ZKSCAN1: variants seen among roughly 807,000 people sequenced by gnomAD.
ZKSCAN1 encodes zinc finger protein with KRAB and SCAN domains 1.
ZKSCAN1 carries 14 observed loss-of-function variants against 51.6 expected under a neutral mutation model. The observed-to-expected ratio is 0.27, with a 90% CI of 0.18 to 0.42. The LOEUF (loss-of-function observed/expected upper bound fraction) is 0.42, where lower values mean the gene tolerates loss of function less well. ZKSCAN1 is among the 10% of genes least tolerant of loss of function. The probability of loss-of-function intolerance (pLI) is 1.00; values close to 1 mark genes in which losing one functional copy is unlikely to be tolerated. For missense variants in ZKSCAN1, 531 were observed against 710.0 expected, an observed-to-expected ratio of 0.75 and a Z score of 2.86; for synonymous variants, 263 against 261.5, an observed-to-expected ratio of 1.01 and a Z score of -0.06.
chr7:100,034,390 CCCCTGCAG>C lies in ZKSCAN1; in HGVS notation c.*194_*201del. The stretch of plus-strand genomic sequence containing the variant: ...TTGGGCATATAATCCTTCCACACAG[CCCCTGCAG>C]GGAAAGGCTAATCTTACGGATAATC... On this transcript the variant is annotated 3_prime_UTR_variant, in exon 6 of 6. Coordinates refer to ENST00000324306, the MANE Select transcript of ZKSCAN1 (RefSeq NM_003439.4). 7.5e-7 allele frequency: 1 copy of C among 1,325,580 alleles called. No individual in the cohort carries two copies. Among genetic ancestry groups the C allele is most frequent in the Non-Finnish European group, 9.6e-7 (1 of 1,044,482 alleles). The allele number at this position is 1,325,580 out of a possible 1,614,324, so 82.1% of individuals were successfully genotyped here.
In ZKSCAN1 at chr7:100,034,506, T is replaced by G; in HGVS notation, c.*309T>G. 1.9e-6 allele frequency: 2 copies of G among 1,069,230 alleles called. No individual in the cohort carries two copies. The highest frequency in any genetic ancestry group is 2.3e-6 in the Non-Finnish European group (2 of 883,292). The allele number at this position is 1,069,230 out of a possible 1,614,324, so 66.2% of individuals were successfully genotyped here. A position where few individuals can be genotyped will look rare whatever the true frequency, so the allele number is the denominator to read the frequency against. ...AGTAATGAGGATACCTTTAAGGCACTCTTGGACTCTCGGCAACCACAACAT... is the reference window on the plus strand; with the variant it reads ...AGTAATGAGGATACCTTTAAGGCACGCTTGGACTCTCGGCAACCACAACAT... On this transcript the variant is annotated 3_prime_UTR_variant, in exon 6 of 6. Transcript: ENST00000324306.
chr7:100,033,612 A>G lies in ZKSCAN1; in HGVS notation c.1107A>G (p.Glu369=). 2 of 1,614,242 alleles carry G rather than the reference A, an allele frequency of 1.2e-6. No homozygotes were observed. The highest frequency in any genetic ancestry group is 1.7e-6 in the Non-Finnish European group (2 of 1,180,048). The change falls in exon 6 of 6, where the codon GAA becomes GAG. Residue 369 remains glutamate (E), a synonymous_variant. Transcript: ENST00000324306. This position sits in a 1 kb window ranked among gnomAD's most constrained non-coding sequence, Gnocchi z 4.1. The part of the protein sequence containing the change: ...SLSSNFTTPE[E]VPTGTKSHRC... ...GCTCCAACTTCACCACCCCTGAAGA[A>G]GTTCCCACGGGAACAAAGTCTCACA... is the stretch of plus-strand genomic sequence containing the variant.
intron 3 of ZKSCAN1, among the ~76,000 whole-genome samples, chr7:100,028,510 T>C (rs187281879): frequency 8.8e-4 from 134 of 152,246 alleles, no homozygotes; most frequent in Middle Eastern, 3.4e-3. Context: ...GCCTATCTTA[T>C]TGTTGTATAA....
downstream of ZKSCAN1, among the ~76,000 whole-genome samples, chr7:100,044,236 T>G (rs1791670053): frequency 6.6e-6 from 1 of 152,178 alleles, no homozygotes; most frequent in South Asian, 2.1e-4. Context: ...ATCCTGCTCC[T>G]TGGCTATAAA....
chr7:100,043,188 TCA>T (rs1469912079), downstream of ZKSCAN1, among the ~76,000 whole-genome samples: 2 of 151,710 alleles, frequency 1.3e-5, no homozygotes, highest in Admixed American at 1.3e-4. Context: ...TGCCTTGGCC[TCA>T]CAGGTGTGAG....
downstream of ZKSCAN1, among the ~76,000 whole-genome samples, chr7:100,042,811 T>C (rs529043231): frequency 6.6e-6 from 1 of 150,622 alleles, no homozygotes; most frequent in East Asian, 1.9e-4. Flanking sequence ...TTTTTTTTTT[T>C]TTTTTAGACG....
Position 100,033,151 on chromosome 7 carries a change from G to A in ZKSCAN1, c.800-154G>A, listed in dbSNP as rs552634740. Among the ~76,000 whole-genome samples, 38 of 152,244 alleles carry A rather than the reference G, an allele frequency of 2.5e-4. No homozygotes were observed. The highest frequency in any genetic ancestry group is 8.9e-4 in the African/African-American group (37 of 41,544). ...CACGTCACTGCACTCCAGCCTGGGC[G>A]ACAGAGCGAGACTCTGTCTCAAAGG... On this transcript the variant is annotated intron_variant, in intron 5 of 5. Transcript: ENST00000324306. The surrounding 1 kb of genome is among the most constrained non-coding windows in gnomAD (Gnocchi z 4.1).
At position 100,024,077 on chromosome 7, in the gene ZKSCAN1, C is replaced by G. The variant is rs543600987; in HGVS notation, c.427-77C>G. The G allele has an allele frequency of 9.1e-6, 14 of 1,544,320 alleles. No individual in the cohort carries two copies. In the South Asian group the frequency reaches 1.7e-4, roughly 18 times the overall value. Reference sequence around the variant, plus strand: ...CTTTCTTCCTGCATCCACTGGCATACTCATGGTCTGTTTTTAAATATTTTA... The same window carrying G: ...CTTTCTTCCTGCATCCACTGGCATAGTCATGGTCTGTTTTTAAATATTTTA... On this transcript the variant is annotated intron_variant, in intron 2 of 5. Transcript: ENST00000324306.
chr7:100,035,317 C>T lies in ZKSCAN1; in HGVS notation c.*1120C>T, dbSNP rs1422427720. The T allele has an allele frequency of 1.3e-5, 2 of 152,170 alleles. No homozygotes were observed. Among genetic ancestry groups the T allele is most frequent in the East Asian group, 1.9e-4 (1 of 5,198 alleles). The allele number at this position is 152,170 out of a possible 1,614,324, so 9.4% of individuals were successfully genotyped here. The stretch of plus-strand genomic sequence containing the variant: ...ATATAAACGAAAGGCACTAGTCAGC[C>T]GCCTGCATAGACTTTCTAAACAGTG... On this transcript the variant is annotated 3_prime_UTR_variant, in exon 6 of 6. Transcript: ENST00000324306.
chr7:100,016,142 C>CG (rs1790352970), intron 1 of ZKSCAN1, among the ~76,000 whole-genome samples: 1 of 152,158 alleles, frequency 6.6e-6, no homozygotes, highest in African/African-American at 2.4e-5. Flanking sequence ...TTTCCCCCCC[C>CG]GGTTCCTTCG....
chr7:100,023,209 C>A (rs1384036784), intron 1 of ZKSCAN1, among the ~76,000 whole-genome samples: 2 of 152,062 alleles, frequency 1.3e-5, no homozygotes, highest in African/African-American at 4.8e-5. Flanking sequence ...CGGGGTTTCA[C>A]CATGTTGGCC....
At position 100,034,670 on chromosome 7, in the gene ZKSCAN1, G is replaced by A; in HGVS notation, c.*473G>A. 1 of 537,030 alleles carries A rather than the reference G, an allele frequency of 1.9e-6. No homozygotes were observed. The allele number at this position is 537,030 out of a possible 1,614,324, so 33.3% of individuals were successfully genotyped here. A position where few individuals can be genotyped will look rare whatever the true frequency, so the allele number is the denominator to read the frequency against. On this transcript the variant is annotated 3_prime_UTR_variant, in exon 6 of 6. Transcript: ENST00000324306. ...GACAGTGAAAACAAAAACGACATTG[G>A]GACATGCTGCTCAAGGTAGTTATAT...
intron 3 of ZKSCAN1, 22 bp downstream of exon 3, chr7:100,024,329 A>G: frequency 3.1e-6 from 5 of 1,612,596 alleles, no homozygotes; most frequent in Non-Finnish European, 4.2e-6. Flanking sequence ...GGTTTCATTT[A>G]GGGGAAGGGA....
At chr7:100,025,277 TAATC>T in intron 3 of ZKSCAN1, among the ~76,000 whole-genome samples, 1 of 135,476 alleles carries the variant, frequency 7.4e-6, no homozygotes, top group South Asian at 2.3e-4. Context: ...TATATAAAAA[TAATC>T]ACTGCACTGC....
chr7:100,039,957 T>G lies in ZKSCAN1; in HGVS notation c.*5760T>G. ...TGGAGAATTTAATAAAAGGCATTAT[T>G]TGAAAAGTTTTTCTAACATAGATTT... On this transcript the variant is annotated 3_prime_UTR_variant, in exon 6 of 6. Coordinates refer to ENST00000324306, the MANE Select transcript of ZKSCAN1 (RefSeq NM_003439.4). 6.2e-6 allele frequency: 6 copies of G among 971,038 alleles called. No homozygotes were observed. Among genetic ancestry groups the G allele is most frequent in the Non-Finnish European group, 6.1e-6 (5 of 816,896 alleles). 60.2% of individuals were successfully genotyped at this position (971,038 alleles called of 1,614,324 possible).
Position 100,040,185 on chromosome 7 carries a change from A to G in ZKSCAN1, c.*5988A>G. ...AAATACTTTTGACATCCCACAATAC[A>G]GAATGTCTTAACATGAGAATTGAAT... is the stretch of plus-strand genomic sequence containing the variant. On this transcript the variant is annotated 3_prime_UTR_variant, in exon 6 of 6. Transcript: ENST00000324306. The G allele has an allele frequency of 1.0e-6, 1 of 985,458 alleles. No individual in the cohort carries two copies. Among genetic ancestry groups the G allele is most frequent in the Non-Finnish European group, 1.2e-6 (1 of 829,936 alleles). 61.0% of individuals were successfully genotyped at this position (985,458 alleles called of 1,614,324 possible). A position where few individuals can be genotyped will look rare whatever the true frequency, so the allele number is the denominator to read the frequency against.
chr7:100,039,643 G>GTTCA lies in ZKSCAN1; in HGVS notation c.*5448_*5451dup. The GTTCA allele has an allele frequency of 1.0e-6, 1 of 985,406 alleles. No individual in the cohort carries two copies. Among genetic ancestry groups the GTTCA allele is most frequent in the Non-Finnish European group, 1.2e-6 (1 of 829,936 alleles). 61.0% of individuals were successfully genotyped at this position (985,406 alleles called of 1,614,324 possible). On this transcript the variant is annotated 3_prime_UTR_variant, in exon 6 of 6. Transcript: ENST00000324306. ...TGCTTATCCAAAGCCAGCTAACCAGGTTCATCCTACCATCCTCATGGAAGA... is the reference window on the plus strand; with the variant it reads ...TGCTTATCCAAAGCCAGCTAACCAGGTTCATTCATCCTACCATCCTCATGGAAGA...
Position 100,023,474 on chromosome 7 carries a change from C to G in ZKSCAN1, c.-33C>G. The G allele has an allele frequency of 6.3e-7, 1 of 1,584,150 alleles. No individual in the cohort carries two copies. The highest frequency in any genetic ancestry group is 8.6e-7 in the Non-Finnish European group (1 of 1,166,740). ...CCAGGACATAAAGGTGAGCACAGAC[C>G]CTGTTTGGATCAAGTCAGTTCCTGG... is the stretch of plus-strand genomic sequence containing the variant. On this transcript the variant is annotated 5_prime_UTR_variant, in exon 2 of 6. Transcript: ENST00000324306.
At chr7:100,015,891 C>T (rs940367765) in intron 1 of ZKSCAN1, among the ~76,000 whole-genome samples, 165 bp downstream of exon 1, 3 of 152,140 alleles carry the variant, frequency 2.0e-5, no homozygotes, top group Admixed American at 2.0e-4. Flanking sequence ...CCGTAGAAAG[C>T]GCCGTTCTTC....
Sources: allele counts gnomAD v4.1 joint callset (sites outside exome capture counted in the v4.1 genomes callset), GRCh38; gene constraint gnomAD v4.1.1; non-coding constraint Gnocchi (gnomAD v3.1); transcripts MANE v1.5; gene names NCBI Gene and HGNC (gene_info 2026-07-23, HGNC 2026-07-21).